The following PDE4D variants were observed in gnomAD, a reference collection of about 807,000 sequenced individuals.
PDE4D encodes phosphodiesterase 4D.
In PDE4D, 24 loss-of-function variants were observed where a neutral mutation model predicts 87.4. That is an observed-to-expected ratio of 0.27 (90% CI 0.20 to 0.39). PDE4D has a LOEUF of 0.39. Ranked by LOEUF, PDE4D falls within the 10% of genes least tolerant of loss-of-function variation. PDE4D has a pLI of 1.00. For missense variants in PDE4D, 714 were observed against 1,041.0 expected, an observed-to-expected ratio of 0.69 and a Z score of 4.32; for synonymous variants, 384 against 383.2, an observed-to-expected ratio of 1.00 and a Z score of -0.02.
intron 1 of PDE4D, among the ~76,000 whole-genome samples, chr5:59,633,457 T>C (rs750826433): frequency 1.1e-4 from 16 of 151,924 alleles, no homozygotes; most frequent in Admixed American, 5.2e-4. Context: ...AAGGTTGAAA[T>C]GAAGGAAAAC....
At chr5:60,073,688 T>C (rs1772979926) in intron 2 of PDE4D, among the ~76,000 whole-genome samples, 1 of 152,098 alleles carries the variant, frequency 6.6e-6, no homozygotes, top group African/African-American at 2.4e-5. Flanking sequence ...ATAAATTTAC[T>C]GATCCAATTT....
At chr5:59,557,207 T>C (rs555647102) in intron 1 of PDE4D, among the ~76,000 whole-genome samples, 1 of 152,352 alleles carries the variant, frequency 6.6e-6, no homozygotes, top group Non-Finnish European at 1.5e-5. Context: ...TAGGAACTAT[T>C]CTAAAATTAA....
chr5:59,849,760 T>TA (rs1744402310), intron 1 of PDE4D, among the ~76,000 whole-genome samples: 1 of 152,070 alleles, frequency 6.6e-6, no homozygotes, highest in Non-Finnish European at 1.5e-5. Context: ...GTCTAATGCA[T>TA]AAAAATGTTT....
chr5:60,117,432 T>A (rs370600582), intron 2 of PDE4D, among the ~76,000 whole-genome samples: 7 of 152,198 alleles, frequency 4.6e-5, no homozygotes, highest in African/African-American at 1.7e-4. Flanking sequence ...CTTTTCTTTA[T>A]CCTACCACCT....
At position 59,806,635 on chromosome 5, in the gene PDE4D, A is replaced by T. The variant is rs182703549; in HGVS notation, c.455+86533T>A. Among the ~76,000 whole-genome samples, 409 of 152,328 alleles carry T rather than the reference A, an allele frequency of 2.7e-3. 4 individuals are homozygous for T. Among genetic ancestry groups the T allele is most frequent in the African/African-American group, 9.4e-3 (392 of 41,578 alleles). ...TCAAGTTTATTATTTCTTGAATCTA[A>T]AAGTCAAGAAAAGCATGAGAAAGAT... is the stretch of plus-strand genomic sequence containing the variant. On this transcript the variant is annotated intron_variant, in intron 1 of 14. Transcript: ENST00000340635.
At chr5:60,061,236 C>T (rs1490358681) in intron 2 of PDE4D, among the ~76,000 whole-genome samples, 1 of 152,138 alleles carries the variant, frequency 6.6e-6, no homozygotes, top group African/African-American at 2.4e-5. Flanking sequence ...AGCAAAGTCT[C>T]AGGATACAAA....
intron 1 of PDE4D, among the ~76,000 whole-genome samples, chr5:60,317,662 T>C (rs1329532906): frequency 6.6e-6 from 1 of 152,246 alleles, no homozygotes; most frequent in African/African-American, 2.4e-5. Context: ...GCATTGAATG[T>C]ATCCCAGAGA....
At chr5:59,702,377 C>T (rs1249663566) in intron 1 of PDE4D, among the ~76,000 whole-genome samples, 2 of 152,108 alleles carry the variant, frequency 1.3e-5, no homozygotes, top group Admixed American at 6.5e-5. Context: ...CTGCCTGCCT[C>T]GGCCTCCCAA....
chr5:59,590,878 A>G (rs1383607214), intron 1 of PDE4D, among the ~76,000 whole-genome samples: 1 of 152,224 alleles, frequency 6.6e-6, no homozygotes, highest in Non-Finnish European at 1.5e-5. Context: ...TAATGCATCC[A>G]GAATCAGAGC....
chr5:60,075,101 C>G (rs1226272119), intron 2 of PDE4D, among the ~76,000 whole-genome samples: 1 of 152,090 alleles, frequency 6.6e-6, no homozygotes. Context: ...TATAGAGTCA[C>G]TGGTCTGTGT....
At chr5:59,324,614 G>T (rs244570) in intron 1 of PDE4D, among the ~76,000 whole-genome samples, 137,201 of 152,192 alleles carry the variant, frequency 0.9, 62,029 homozygotes, top group African/African-American at 0.92. Context: ...CATGTAATAG[G>T]TGGACCTGTG....
intron 1 of PDE4D, among the ~76,000 whole-genome samples, chr5:59,277,176 C>T (rs981102923): frequency 2.0e-5 from 3 of 152,130 alleles, no homozygotes; most frequent in Admixed American, 1.3e-4. Context: ...GTACGGCATC[C>T]GCCAGAGGCT....
At chr5:60,214,892 T>A (rs1743674107) in intron 1 of PDE4D, among the ~76,000 whole-genome samples, 1 of 152,210 alleles carries the variant, frequency 6.6e-6, no homozygotes, top group Non-Finnish European at 1.5e-5. Flanking sequence ...TAAAGTTCCA[T>A]CATCTGAAAT....
chr5:59,523,923 T>C (rs1449450985), intron 1 of PDE4D, among the ~76,000 whole-genome samples: 1 of 152,178 alleles, frequency 6.6e-6, no homozygotes, highest in Non-Finnish European at 1.5e-5. Context: ...AAGAAGAACA[T>C]GTTTGCTTCC....
At chr5:60,112,564 T>C (rs1777783265) in intron 2 of PDE4D, among the ~76,000 whole-genome samples, 1 of 152,086 alleles carries the variant, frequency 6.6e-6, no homozygotes, top group East Asian at 1.9e-4. Context: ...TTAGTCAAAA[T>C]AGCATATGCC....
intron 2 of PDE4D, among the ~76,000 whole-genome samples, chr5:60,181,269 A>C (rs557905736): frequency 6.6e-6 from 1 of 152,334 alleles, no homozygotes; most frequent in African/African-American, 2.4e-5. Flanking sequence ...TATTTTCTTA[A>C]GAATAAAATC....
At chr5:59,665,064 A>G (rs1469712127) in intron 1 of PDE4D, among the ~76,000 whole-genome samples, 1 of 152,184 alleles carries the variant, frequency 6.6e-6, no homozygotes, top group Non-Finnish European at 1.5e-5. Flanking sequence ...CTGAAATTTG[A>G]CCCAAATAGT....
At chr5:60,052,487 AC>A (rs1387357875) in intron 2 of PDE4D, among the ~76,000 whole-genome samples, 9 of 152,076 alleles carry the variant, frequency 5.9e-5, no homozygotes, top group South Asian at 2.1e-4. Context: ...AAAATTCAAC[AC>A]CCCTTCATGC....
intron 1 of PDE4D, among the ~76,000 whole-genome samples, chr5:59,664,006 T>A (rs1745666086): frequency 6.6e-6 from 1 of 152,238 alleles, no homozygotes; most frequent in African/African-American, 2.4e-5. Flanking sequence ...GTAACCAACA[T>A]TTGCCTATTT....
Sources: allele counts gnomAD v4.1 joint callset (sites outside exome capture counted in the v4.1 genomes callset), GRCh38; gene constraint gnomAD v4.1.1; transcripts MANE v1.5; gene names NCBI Gene and HGNC (gene_info 2026-07-23, HGNC 2026-07-21).